Variants in CNTN4 observed in about 807,000 individuals in gnomAD.
CNTN4 encodes the protein contactin-4.
In CNTN4, 77 loss-of-function variants were observed where a neutral mutation model predicts 122.5. The ratio of observed to expected loss-of-function variants is 0.63; its 90% CI spans 0.52 to 0.76. CNTN4 has a LOEUF of 0.76. Ranked by LOEUF, CNTN4 falls within the 30% of genes least tolerant of loss-of-function variation. The pLI is 0.00. For synonymous variants in CNTN4, 512 were observed against 447.0 expected (o/e 1.15, Z -1.83); for missense variants, 1,256 against 1,259.1 (o/e 1.00, Z 0.04).
At chr3:2,916,917 T>G (rs1348188805) in intron 12 of CNTN4, among the ~76,000 whole-genome samples, 1 of 148,842 alleles carries the variant, frequency 6.7e-6, no homozygotes, top group Non-Finnish European at 1.5e-5. Context: ...GGGCAGAGGC[T>G]GCAGTCTCGG....
intron 7 of CNTN4, among the ~76,000 whole-genome samples, chr3:2,852,961 C>T (rs1251718971): frequency 6.6e-6 from 1 of 152,154 alleles, no homozygotes; most frequent in East Asian, 1.9e-4. Context: ...GAAGAATCCA[C>T]CATTTCTAAG....
intron 13 of CNTN4, among the ~76,000 whole-genome samples, chr3:2,969,290 A>G (rs1692639101): frequency 6.6e-6 from 1 of 152,150 alleles, no homozygotes; most frequent in Non-Finnish European, 1.5e-5. Context: ...CCTCTTTTCC[A>G]GTTGTTGGAA....
intron 4 of CNTN4, among the ~76,000 whole-genome samples, chr3:2,575,772 A>C (rs901593178): frequency 6.7e-6 from 1 of 149,976 alleles, no homozygotes; most frequent in Admixed American, 6.6e-5. Flanking sequence ...GCTCTCATCA[A>C]TATCTGAATA....
At chr3:2,944,470 C>T (rs141245578) in intron 13 of CNTN4, among the ~76,000 whole-genome samples, 3 of 152,114 alleles carry the variant, frequency 2.0e-5, no homozygotes, top group East Asian at 1.9e-4. Flanking sequence ...ATGTTGGTAA[C>T]GAAACTTTTA....
At chr3:2,614,339 A>T (rs2081621638) in intron 4 of CNTN4, among the ~76,000 whole-genome samples, 1 of 152,202 alleles carries the variant, frequency 6.6e-6, no homozygotes, top group Non-Finnish European at 1.5e-5. Flanking sequence ...ATGTGAGATT[A>T]TGTAATCCAG....
intron 3 of CNTN4, among the ~76,000 whole-genome samples, chr3:2,524,079 A>G (rs1393463594): frequency 6.6e-6 from 1 of 152,092 alleles, no homozygotes; most frequent in East Asian, 1.9e-4. Flanking sequence ...TTGTATAACC[A>G]TCAGCATTAT....
intron 12 of CNTN4, among the ~76,000 whole-genome samples, chr3:2,906,000 T>C (rs2094227140): frequency 6.6e-6 from 1 of 152,216 alleles, no homozygotes; most frequent in African/African-American, 2.4e-5. Context: ...GAATACTATG[T>C]AGCCATAAAG....
intron 4 of CNTN4, among the ~76,000 whole-genome samples, chr3:2,731,347 AC>A (rs1235972856): frequency 3.9e-5 from 6 of 152,132 alleles, no homozygotes; most frequent in African/African-American, 1.4e-4. Context: ...CAAGATAATT[AC>A]CGTGGTATGG....
chr3:3,024,271 T>G (rs1698532440), intron 14 of CNTN4, among the ~76,000 whole-genome samples: 1 of 151,984 alleles, frequency 6.6e-6, no homozygotes, highest in Non-Finnish European at 1.5e-5. Context: ...CAGTCTTCAT[T>G]TTTTCTTGAG....
intron 13 of CNTN4, among the ~76,000 whole-genome samples, chr3:2,984,365 C>T (rs933393723): frequency 6.6e-6 from 1 of 152,138 alleles, no homozygotes; most frequent in South Asian, 2.1e-4. Flanking sequence ...GTGATTTTGA[C>T]CCCCAGGGTA....
intron 2 of CNTN4, among the ~76,000 whole-genome samples, chr3:2,158,386 T>C (rs1428199968): frequency 6.6e-6 from 1 of 152,222 alleles, no homozygotes; most frequent in Admixed American, 6.5e-5. Flanking sequence ...AAGCTTTGAT[T>C]TAACAATTTC....
intron 3 of CNTN4, among the ~76,000 whole-genome samples, chr3:2,537,965 C>CA (rs2077876661): frequency 6.6e-6 from 1 of 151,578 alleles, no homozygotes; most frequent in African/African-American, 2.4e-5. Context: ...CCCCTACCCC[C>CA]AAAATTCATC....
chr3:2,405,925 G>A (rs2047019714), intron 3 of CNTN4, among the ~76,000 whole-genome samples: 1 of 152,164 alleles, frequency 6.6e-6, no homozygotes, highest in Non-Finnish European at 1.5e-5. Flanking sequence ...TACTCAGGAG[G>A]CTGAGGTGGG....
chr3:2,721,296 T>A (rs2087837083), intron 4 of CNTN4, among the ~76,000 whole-genome samples: 1 of 152,148 alleles, frequency 6.6e-6, no homozygotes, highest in Non-Finnish European at 1.5e-5. Flanking sequence ...AGAATCAGTT[T>A]TCTAATTCTA....
intron 3 of CNTN4, among the ~76,000 whole-genome samples, chr3:2,564,830 C>CT (rs762871903): frequency 6.6e-6 from 1 of 152,098 alleles, no homozygotes; most frequent in Non-Finnish European, 1.5e-5. Context: ...TGGGTTTATA[C>CT]TTTAAGAAAT....
intron 3 of CNTN4, among the ~76,000 whole-genome samples, chr3:2,371,236 G>A (rs528743302): frequency 3.1e-4 from 47 of 152,274 alleles, no homozygotes; most frequent in African/African-American, 1.1e-3. Flanking sequence ...TGCACTTGGA[G>A]TAAAGACTAG....
At chr3:2,924,738 C>CA (rs1256402823) in intron 12 of CNTN4, among the ~76,000 whole-genome samples, 1 of 152,126 alleles carries the variant, frequency 6.6e-6, no homozygotes, top group Non-Finnish European at 1.5e-5. Context: ...AAGAACAAGT[C>CA]ACAGCTTCTC....
chr3:2,703,555 G>A (rs781766918), intron 4 of CNTN4, among the ~76,000 whole-genome samples: 3 of 151,986 alleles, frequency 2.0e-5, no homozygotes, highest in South Asian at 2.1e-4. Context: ...AGGGTACTAT[G>A]GGACAAAGAA....
At chr3:2,524,452 G>T (rs1473826078) in intron 3 of CNTN4, among the ~76,000 whole-genome samples, 1 of 152,064 alleles carries the variant, frequency 6.6e-6, no homozygotes, top group East Asian at 1.9e-4. Flanking sequence ...GAATAATCTG[G>T]AATCGTTTTT....
Sources: allele counts gnomAD v4.1 joint callset (sites outside exome capture counted in the v4.1 genomes callset), GRCh38; gene constraint gnomAD v4.1.1; transcripts MANE v1.5; gene names NCBI Gene and HGNC (gene_info 2026-07-23, HGNC 2026-07-21).